Variants in RPRD2 observed in about 807,000 individuals in gnomAD.
RPRD2 encodes regulation of nuclear pre-mRNA domain containing 2.
RPRD2 carries 12 observed loss-of-function variants against 104.4 expected under a neutral mutation model. The ratio of observed to expected loss-of-function variants is 0.11; its 90% confidence interval spans 0.07 to 0.19. The LOEUF (loss-of-function observed/expected upper bound fraction) is 0.19, where lower values mean the gene tolerates loss of function less well. Among genes scored for constraint, RPRD2 ranks in the 10% least tolerant of loss-of-function variants. The probability of loss-of-function intolerance (pLI) is 1.00; values close to 1 mark genes in which losing one functional copy is unlikely to be tolerated. For synonymous variants in RPRD2, 714 were observed against 684.9 expected, an observed-to-expected ratio of 1.04 and a Z score of -0.66; for missense variants, 1,543 against 1,790.1, an observed-to-expected ratio of 0.86 and a Z score of 2.49.
At chr1:150,382,087 T>C (rs1222337202) in intron 1 of RPRD2, among the ~76,000 whole-genome samples, 3 of 152,240 alleles carry the variant, frequency 2.0e-5, no homozygotes, top group African/African-American at 7.2e-5. Context: ...AGTTATGATA[T>C]ACAGTTATTA....
At chr1:150,366,570 A>G (rs1553877176) in intron 1 of RPRD2, among the ~76,000 whole-genome samples, 1 of 152,198 alleles carries the variant, frequency 6.6e-6, no homozygotes, top group Non-Finnish European at 1.5e-5. Flanking sequence ...CAGTCATCTC[A>G]TTGTACCTTA....
At chr1:150,384,140 A>T (rs924331577) in intron 1 of RPRD2, among the ~76,000 whole-genome samples, 2 of 152,226 alleles carry the variant, frequency 1.3e-5, no homozygotes, top group South Asian at 4.2e-4. Context: ...TTGACCATGG[A>T]ATCCCTTTCG....
chr1:150,464,239 C>T (rs1668117609), intron 9 of RPRD2, among the ~76,000 whole-genome samples: 1 of 152,014 alleles, frequency 6.6e-6, no homozygotes, highest in African/African-American at 2.4e-5. Flanking sequence ...GAACTCCTGA[C>T]CTCAGGTGAT....
In RPRD2 at chr1:150,449,245, C is replaced by T. The variant is rs587751346; in HGVS notation, c.870+2844C>T. On this transcript the variant is annotated intron_variant, in intron 7 of 10. Coordinates refer to ENST00000369068, the MANE Select transcript of RPRD2 (RefSeq NM_015203.5). Reference sequence around the variant, plus strand: ...TGTATACATTTAATACAGTAAATTTCCTTCTAAGTTGCATCCCATGAGTTT... The same window carrying T: ...TGTATACATTTAATACAGTAAATTTTCTTCTAAGTTGCATCCCATGAGTTT... Among the ~76,000 whole-genome samples the T allele has an allele frequency of 8.7e-4, 132 of 152,218 alleles. 1 individual carries two copies. Among genetic ancestry groups the T allele is most frequent in the Non-Finnish European group, 7.4e-5 (5 of 68,020 alleles).
At chr1:150,439,627 C>CTTTTTTTTT (rs66814229) in intron 2 of RPRD2, among the ~76,000 whole-genome samples, 11 of 142,292 alleles carry the variant, frequency 7.7e-5, no homozygotes, top group Non-Finnish European at 7.6e-5. Flanking sequence ...TTTGACATAG[C>CTTTTTTTTT]TTTTTTTTTT....
intron 1 of RPRD2, among the ~76,000 whole-genome samples, chr1:150,368,580 C>T (rs1197855628): frequency 1.3e-5 from 2 of 151,790 alleles, no homozygotes; most frequent in African/African-American, 4.8e-5. Flanking sequence ...TCTCCTGCCT[C>T]AGCCTCCCAA....
At chr1:150,370,215 C>A (rs1419470095) in intron 1 of RPRD2, among the ~76,000 whole-genome samples, 2 of 152,134 alleles carry the variant, frequency 1.3e-5, no homozygotes, top group Non-Finnish European at 2.9e-5. Context: ...CCCAGACCTT[C>A]TTTCCCATTT....
At chr1:150,381,126 G>GA (rs1553880713) in intron 1 of RPRD2, among the ~76,000 whole-genome samples, 1 of 152,074 alleles carries the variant, frequency 6.6e-6, no homozygotes. Flanking sequence ...ATGGAACATA[G>GA]AAAGTGCTGT....
At chr1:150,434,808 C>T (rs1440159817) in intron 2 of RPRD2, among the ~76,000 whole-genome samples, 5 of 151,768 alleles carry the variant, frequency 3.3e-5, no homozygotes, top group African/African-American at 1.2e-4. Flanking sequence ...CAGAGTGAGA[C>T]CCTATCTCCA....
intron 1 of RPRD2, among the ~76,000 whole-genome samples, chr1:150,406,417 T>A (rs1322760434): frequency 2.0e-5 from 3 of 152,136 alleles, no homozygotes; most frequent in South Asian, 2.1e-4. Flanking sequence ...GGTAAAAAAA[T>A]TTTTTTGAGA....
intron 7 of RPRD2, among the ~76,000 whole-genome samples, chr1:150,449,443 T>C (rs1436794845): frequency 6.6e-6 from 1 of 152,186 alleles, no homozygotes; most frequent in Non-Finnish European, 1.5e-5. Context: ...TCCTTTTCTT[T>C]GTTACTCCTT....
At chr1:150,386,949 G>A (rs1207759333) in intron 1 of RPRD2, among the ~76,000 whole-genome samples, 2 of 152,126 alleles carry the variant, frequency 1.3e-5, no homozygotes, top group South Asian at 2.1e-4. Context: ...ATGGCTGCAC[G>A]TATGTCTTTT....
intron 1 of RPRD2, among the ~76,000 whole-genome samples, chr1:150,379,288 A>G (rs919718036): frequency 1.3e-5 from 2 of 152,126 alleles, no homozygotes; most frequent in Non-Finnish European, 2.9e-5. Context: ...ATCTCAAAAA[A>G]AAAACAAAAA....
intron 1 of RPRD2, among the ~76,000 whole-genome samples, chr1:150,384,447 C>CATCATCATCATT (rs1553881404): frequency 5.2e-4 from 51 of 97,838 alleles, no homozygotes; most frequent in African/African-American, 1.5e-3. Context: ...AAGGCATCAT[C>CATCATCATCATT]ATCATTATTA....
At position 150,440,914 on chromosome 1, in the gene RPRD2, T is replaced by C; in HGVS notation, c.336-9T>C. Reference sequence around the variant, plus strand: ...TTTATAGTCTGTATTACTTTTTCTTTGTTTTCAGGGATCCATCTGTCTCTA... The same window carrying C: ...TTTATAGTCTGTATTACTTTTTCTTCGTTTTCAGGGATCCATCTGTCTCTA... On this transcript the variant is annotated splice_polypyrimidine_tract_variant and intron_variant, in intron 2 of 10. Transcript: ENST00000369068. The C allele has an allele frequency of 6.9e-7, 1 of 1,442,080 alleles. No homozygotes were observed. The highest frequency in any genetic ancestry group is 9.5e-7 in the Non-Finnish European group (1 of 1,047,628). The allele number at this position is 1,442,080 out of a possible 1,614,324, so 89.3% of individuals were successfully genotyped here.
chr1:150,469,719 G>T (rs1292924819), intron 10 of RPRD2, among the ~76,000 whole-genome samples: 1 of 152,110 alleles, frequency 6.6e-6, no homozygotes, highest in Non-Finnish European at 1.5e-5. Flanking sequence ...TTCAGCCTTT[G>T]CCCCAAAGAA....
intron 7 of RPRD2, among the ~76,000 whole-genome samples, chr1:150,450,039 T>C (rs944504746): frequency 6.6e-6 from 1 of 152,190 alleles, no homozygotes; most frequent in African/African-American, 2.4e-5. Flanking sequence ...TTGAATCTTA[T>C]CTATGATTAA....
At position 150,440,905 on chromosome 1, in the gene RPRD2, C is replaced by T; in HGVS notation, c.336-18C>T. ...GTCAAGGTTTTTATAGTCTGTATTA[C>T]TTTTTCTTTGTTTTCAGGGATCCAT... On this transcript the variant is annotated intron_variant, in intron 2 of 10. Coordinates refer to ENST00000369068, the MANE Select transcript of RPRD2 (RefSeq NM_015203.5). The T allele has an allele frequency of 7.5e-7, 1 of 1,336,984 alleles. No individual in the cohort carries two copies. The highest frequency in any genetic ancestry group is 1.3e-5 in the South Asian group (1 of 75,952). 82.8% of individuals were successfully genotyped at this position (1,336,984 alleles called of 1,614,324 possible).
intron 4 of RPRD2, among the ~76,000 whole-genome samples, chr1:150,442,193 T>C (rs902430744): frequency 1.3e-5 from 2 of 150,842 alleles, no homozygotes; most frequent in South Asian, 2.1e-4. Flanking sequence ...AAGGGTTTAA[T>C]TGAGTGAAGA....
Sources: allele counts gnomAD v4.1 joint callset (sites outside exome capture counted in the v4.1 genomes callset), GRCh38; gene constraint gnomAD v4.1.1; transcripts MANE v1.5; gene names NCBI Gene and HGNC (gene_info 2026-07-23, HGNC 2026-07-21).